Variants in SPRED1 observed in about 807,000 individuals in gnomAD.
SPRED1 encodes sprouty-related, EVH1 domain-containing protein 1.
In SPRED1, 18 loss-of-function variants were observed where a neutral mutation model predicts 52.3. That is an observed-to-expected ratio of 0.34 (90% CI 0.24 to 0.51). The LOEUF is 0.51. SPRED1 is among the 20% of genes least tolerant of loss of function. SPRED1 has a pLI of 0.97. For missense variants in SPRED1, 485 were observed against 551.0 expected, an observed-to-expected ratio of 0.88 and a Z score of 1.20; for synonymous variants, 155 against 179.7, an observed-to-expected ratio of 0.86 and a Z score of 1.10.
intron 1 of SPRED1, among the ~76,000 whole-genome samples, chr15:38,296,445 A>C (rs776406352): frequency 2.6e-5 from 4 of 152,196 alleles, no homozygotes; most frequent in Non-Finnish European, 5.9e-5. Context: ...CATGTGTAAT[A>C]TAGTACTGTC....
chr15:38,298,605 TG>T (rs1192405122), intron 1 of SPRED1: 1 of 271,888 alleles, frequency 3.7e-6, no homozygotes, highest in African/African-American at 2.4e-5. Flanking sequence ...TCCATTTATT[TG>T]AAGGCCCCAA....
At chr15:38,284,551 T>G (rs1229694502) in intron 1 of SPRED1, among the ~76,000 whole-genome samples, 1 of 152,224 alleles carries the variant, frequency 6.6e-6, no homozygotes, top group African/African-American at 2.4e-5. Flanking sequence ...CAGTTGAATA[T>G]AGCAGTCTTC....
chr15:38,278,988 T>C (rs1201817506), intron 1 of SPRED1, among the ~76,000 whole-genome samples: 1 of 151,950 alleles, frequency 6.6e-6, no homozygotes, highest in Admixed American at 6.6e-5. Flanking sequence ...CCACCATGCC[T>C]GGCTAATTTT....
intron 2 of SPRED1, among the ~76,000 whole-genome samples, chr15:38,315,966 G>C (rs1235476931): frequency 6.6e-6 from 1 of 151,826 alleles, no homozygotes; most frequent in Non-Finnish European, 1.5e-5. Context: ...AGACTGGATG[G>C]GACCCAGCAG....
intron 1 of SPRED1, among the ~76,000 whole-genome samples, chr15:38,282,345 G>GCACACA (rs1566854071): frequency 1.1e-3 from 18 of 16,892 alleles, no homozygotes; most frequent in East Asian, 1.8e-3. Context: ...ACACACACAT[G>GCACACA]CACACACACA....
chr15:38,310,494 C>T (rs1262127117), intron 2 of SPRED1, among the ~76,000 whole-genome samples: 3 of 152,138 alleles, frequency 2.0e-5, no homozygotes, highest in African/African-American at 7.2e-5. Context: ...TGAAACCTTA[C>T]TGGGGTTTTG....
chr15:38,257,644 T>A (rs7178653), intron 1 of SPRED1, among the ~76,000 whole-genome samples: 1,612 of 152,304 alleles, frequency 0.011, 30 homozygotes, highest in African/African-American at 0.035. Flanking sequence ...CACAAGAAGG[T>A]AGACATTTGT....
chr15:38,336,909 A>T (rs997458873), intron 4 of SPRED1, among the ~76,000 whole-genome samples: 2 of 152,108 alleles, frequency 1.3e-5, no homozygotes, highest in Admixed American at 1.3e-4. Context: ...TGACCAAACC[A>T]CCTGTTCCCC....
rs376011217 is a variant in SPRED1 at position 38,279,282 on chromosome 15, CTTA to C, written c.33-20088_33-20086del. Reference sequence around the variant, plus strand: ...ACCAAGAAGAATTCTACCACATTTTCTTATTGTTGTACTTTAAATATGGTTGAA... The same window carrying C: ...ACCAAGAAGAATTCTACCACATTTTCTTGTTGTACTTTAAATATGGTTGAA... On this transcript the variant is annotated intron_variant, in intron 1 of 6. Transcript: ENST00000299084. 5.9e-4 allele frequency among the ~76,000 whole-genome samples: 90 copies of C among 152,246 alleles called. 1 individual carries two copies. The East Asian group carries it at 0.014, about 23-fold the overall frequency.
chr15:38,289,151 T>C (rs1033388694), intron 1 of SPRED1, among the ~76,000 whole-genome samples: 23 of 152,202 alleles, frequency 1.5e-4, no homozygotes, highest in Non-Finnish European at 2.4e-4. Context: ...AGTGTGGTCA[T>C]TATTAAATGA....
chr15:38,335,289 A>G (rs920495004), intron 4 of SPRED1, among the ~76,000 whole-genome samples: 1 of 152,078 alleles, frequency 6.6e-6, no homozygotes, highest in African/African-American at 2.4e-5. Context: ...GGAAACCTTA[A>G]GGGGTTTTGA....
Position 38,272,276 on chromosome 15 carries a change from G to GTTTTTTTTTTTTT in SPRED1, c.32+19069_32+19070insTTTTTTTTTTTTT, listed in dbSNP as rs1555387949. On this transcript the variant is annotated intron_variant, in intron 1 of 6. Coordinates refer to ENST00000299084, the MANE Select transcript of SPRED1 (RefSeq NM_152594.3). ...TGAGATTGTAGGGGTCGAATGCTAG[G>GTTTTTTTTTTTTT]TTTTTTTTTTGAGATGAAGTCTTGC... Among the ~76,000 whole-genome samples, 8 of 131,484 alleles carry GTTTTTTTTTTTTT rather than the reference G, an allele frequency of 6.1e-5. 3 individuals carry two copies. Among genetic ancestry groups the GTTTTTTTTTTTTT allele is most frequent in the African/African-American group, 8.2e-5 (3 of 36,412 alleles). 86.3% of individuals were successfully genotyped at this position (131,484 alleles called of 152,430 possible). A position where few individuals can be genotyped will look rare whatever the true frequency, so the allele number is the denominator to read the frequency against.
At chr15:38,349,962 G>T (rs1888445337) in intron 6 of SPRED1, among the ~76,000 whole-genome samples, 1 of 152,170 alleles carries the variant, frequency 6.6e-6, no homozygotes. Flanking sequence ...TATGGATGAT[G>T]TAAGGGGTCA....
chr15:38,325,135 A>C (rs1196457965), intron 4 of SPRED1, among the ~76,000 whole-genome samples: 1 of 151,948 alleles, frequency 6.6e-6, no homozygotes, highest in East Asian at 1.9e-4. Context: ...GCCTGGCCCC[A>C]AAATCCGAAA....
At chr15:38,339,609 A>G (rs544963512) in intron 4 of SPRED1, 128 bp from the exon 5 acceptor site, 12 of 901,794 alleles carry the variant, frequency 1.3e-5, no homozygotes, top group African/African-American at 9.7e-5. Flanking sequence ...GGGAATTGCT[A>G]TTCATAGCGA....
In SPRED1 at chr15:38,355,996, T is replaced by C. The variant is rs1888611479; in HGVS notation, c.*4332T>C. 1 of 152,206 alleles carries C rather than the reference T, an allele frequency of 6.6e-6. No individual in the cohort carries two copies. The highest frequency in any genetic ancestry group is 6.5e-5 in the Admixed American group (1 of 15,280). 9.4% of individuals were successfully genotyped at this position (152,206 alleles called of 1,614,324 possible). On this transcript the variant is annotated 3_prime_UTR_variant, in exon 7 of 7. Coordinates refer to ENST00000299084, the MANE Select transcript of SPRED1 (RefSeq NM_152594.3). ...GCCAGGTGGTTATAAAAGATTCATATGCTTTGGTACACTGATAAATGTTAG... is the reference window on the plus strand; with the variant it reads ...GCCAGGTGGTTATAAAAGATTCATACGCTTTGGTACACTGATAAATGTTAG...
intron 2 of SPRED1, 61 bp from the exon 3 acceptor site, chr15:38,322,180 T>G: frequency 2.5e-5 from 38 of 1,499,780 alleles, no homozygotes; most frequent in Non-Finnish European, 3.2e-5. Flanking sequence ...TTTGTATTTA[T>G]GAGCTACATT....
At chr15:38,276,560 A>AT (rs1894558622) in intron 1 of SPRED1, among the ~76,000 whole-genome samples, 2 of 152,094 alleles carry the variant, frequency 1.3e-5, no homozygotes, top group Admixed American at 6.6e-5. Context: ...AGTTGGTCTT[A>AT]TTTTTCCCAT....
At chr15:38,308,028 A>G (rs1895287056) in intron 2 of SPRED1, among the ~76,000 whole-genome samples, 1 of 152,298 alleles carries the variant, frequency 6.6e-6, no homozygotes, top group South Asian at 2.1e-4. Flanking sequence ...GGGAATTTAA[A>G]GGAATTTCTA....
Sources: gnomAD v4.1 joint callset for allele counts (sites outside exome capture counted in the v4.1 genomes callset) on GRCh38, gnomAD v4.1.1 for gene constraint, MANE v1.5 for transcripts, NCBI Gene and HGNC (gene_info 2026-07-23, HGNC 2026-07-21) for gene names.